Variants in SMG6 observed in about 807,000 individuals in gnomAD.
SMG6 encodes SMG6 nonsense mediated mRNA decay factor.
A neutral mutation model predicts 142.2 loss-of-function variants in SMG6; 66 were observed. The observed-to-expected ratio is 0.46, with a 90% CI of 0.38 to 0.57. SMG6 has a LOEUF of 0.57. Ranked by LOEUF, SMG6 falls within the 20% of genes least tolerant of loss-of-function variation. The pLI is 0.00. For synonymous variants in SMG6, 779 were observed against 702.4 expected (o/e 1.11, Z -1.72); for missense variants, 1,793 against 1,832.0 (o/e 0.98, Z 0.39).
chr17:2,162,321 G>A (rs1312659052), intron 13 of SMG6, among the ~76,000 whole-genome samples: 1 of 151,786 alleles, frequency 6.6e-6, no homozygotes. Context: ...GACCATCCTG[G>A]CTAACATGGT....
At chr17:2,165,523 T>A (rs891611889) in intron 13 of SMG6, among the ~76,000 whole-genome samples, 1 of 152,270 alleles carries the variant, frequency 6.6e-6, no homozygotes, top group Non-Finnish European at 1.5e-5. Context: ...TGGTTGAGCA[T>A]CCCTAATTGG....
intron 13 of SMG6, among the ~76,000 whole-genome samples, chr17:2,108,892 T>TGAGGATTACACCACTGC (rs907242323): frequency 2.6e-5 from 4 of 150,994 alleles, no homozygotes; most frequent in African/African-American, 9.7e-5. Flanking sequence ...TGCAGTGAGT[T>TGAGGATTACACCACTGC]GAGGATTACA....
intron 9 of SMG6, among the ~76,000 whole-genome samples, chr17:2,244,119 T>C (rs1364663015): frequency 1.3e-5 from 2 of 152,208 alleles, no homozygotes; most frequent in Admixed American, 6.5e-5. Context: ...GAGATGTCTA[T>C]GGAAATCCAT....
Position 2,085,946 on chromosome 17 carries a change from G to T in SMG6, c.3358-45C>A. ...GAAGAAAAACAGCATTTTCTGAAAG[G>T]GAAGATGGAGACGAGATGTTGCTTG... is the stretch of plus-strand genomic sequence containing the variant. On this transcript the variant is annotated intron_variant, in intron 13 of 18. Coordinates refer to ENST00000263073, the MANE Select transcript of SMG6 (RefSeq NM_017575.5). The surrounding 1 kb of genome is among the most constrained non-coding windows in gnomAD (Gnocchi z 4.1). The T allele has an allele frequency of 6.3e-7, 1 of 1,589,094 alleles. No individual in the cohort carries two copies. The highest frequency in any genetic ancestry group is 8.6e-7 in the Non-Finnish European group (1 of 1,158,618).
At chr17:2,242,356 C>CAAAAAAAAAAAA (rs57062488) in intron 9 of SMG6, among the ~76,000 whole-genome samples, 1 of 73,510 alleles carries the variant, frequency 1.4e-5, no homozygotes, top group Non-Finnish European at 2.4e-5. Context: ...ACTGAAGATA[C>CAAAAAAAAAAAA]AAAAAAAAAA....
intron 13 of SMG6, among the ~76,000 whole-genome samples, chr17:2,117,241 T>C (rs2069536236): frequency 6.6e-6 from 1 of 151,938 alleles, no homozygotes; most frequent in South Asian, 2.1e-4. Context: ...ACCACAGATA[T>C]ACGTGGTCCT....
intron 8 of SMG6, among the ~76,000 whole-genome samples, chr17:2,260,823 C>T (rs1333993964): frequency 6.6e-6 from 1 of 150,826 alleles, no homozygotes; most frequent in African/African-American, 2.4e-5. Flanking sequence ...TGGCAAAACC[C>T]TGTCTCTACT....
rs60136702 is a variant in SMG6 at position 2,255,403 on chromosome 17, CAAAAAAAAA to C, written c.2662-10693_2662-10685del. Among the ~76,000 whole-genome samples the C allele has an allele frequency of 2.2e-4, 16 of 73,598 alleles. 1 individual carries two copies. Among genetic ancestry groups the C allele is most frequent in the Non-Finnish European group, 2.3e-4 (9 of 38,608 alleles). The allele number at this position is 73,598 out of a possible 152,430, so 48.3% of individuals were successfully genotyped here. ...TGGGCGACAGAGCGAGACTCCGTCTCAAAAAAAAAAAAAAAAAAAAAAAAAAGAATGTGA... is the reference window on the plus strand; with the variant it reads ...TGGGCGACAGAGCGAGACTCCGTCTCAAAAAAAAAAAAAAAAAGAATGTGA... On this transcript the variant is annotated intron_variant, in intron 8 of 18. Transcript: ENST00000263073.
At chr17:2,243,880 C>T (rs765514359) in intron 9 of SMG6, among the ~76,000 whole-genome samples, 2 of 152,128 alleles carry the variant, frequency 1.3e-5, no homozygotes, top group Non-Finnish European at 2.9e-5. Flanking sequence ...GGGGGCACTG[C>T]CACCTACTAC....
chr17:2,298,244 G>C (rs1028290386), intron 2 of SMG6, among the ~76,000 whole-genome samples, 189 bp from the exon 3 acceptor site: 4 of 152,104 alleles, frequency 2.6e-5, no homozygotes, highest in African/African-American at 9.7e-5. Flanking sequence ...GTTGTGTCTA[G>C]GAAAATAGTT....
intron 13 of SMG6, among the ~76,000 whole-genome samples, chr17:2,126,667 G>T (rs984729299): frequency 7.1e-6 from 1 of 141,768 alleles, no homozygotes; most frequent in Non-Finnish European, 1.5e-5. Context: ...AGTGAGCCAA[G>T]ATCAAGCCAC....
At chr17:2,156,734 A>T (rs978515850) in intron 13 of SMG6, among the ~76,000 whole-genome samples, 2 of 152,152 alleles carry the variant, frequency 1.3e-5, no homozygotes, top group Non-Finnish European at 2.9e-5. Context: ...TGCTCACTGT[A>T]GCCTCGACCT....
At position 2,060,432 on chromosome 17, in the gene SMG6, T is replaced by A. The variant is rs2067739905; in HGVS notation, c.*1060A>T. ...GCTGGGCTGTCCACGCCTGGAAGTTTCTCCCAGCACAGGAGCCGAGGGTGG... is the reference window on the plus strand; with the variant it reads ...GCTGGGCTGTCCACGCCTGGAAGTTACTCCCAGCACAGGAGCCGAGGGTGG... On this transcript the variant is annotated 3_prime_UTR_variant, in exon 19 of 19. Transcript: ENST00000263073. 1 of 152,184 alleles carries A rather than the reference T, an allele frequency of 6.6e-6. No homozygotes were observed. 9.4% of individuals were successfully genotyped at this position (152,184 alleles called of 1,614,324 possible).
chr17:2,234,247 T>A (rs545826366), intron 10 of SMG6, among the ~76,000 whole-genome samples: 2 of 152,104 alleles, frequency 1.3e-5, no homozygotes, highest in African/African-American at 2.4e-5. Context: ...CTTTTTTTTT[T>A]ACTTTTAATT....
chr17:2,081,276 G>T (rs2068416101), intron 15 of SMG6, among the ~76,000 whole-genome samples: 1 of 152,186 alleles, frequency 6.6e-6, no homozygotes, highest in South Asian at 2.1e-4. Flanking sequence ...GAAGGCACAG[G>T]CCCGTGAGAG....
In SMG6 at chr17:2,291,870, AAG is replaced by A. The variant is rs1455334401; in HGVS notation, c.2337+680_2337+681del. Among the ~76,000 whole-genome samples the A allele has an allele frequency of 5.3e-3, 767 of 144,612 alleles. 137 individuals carry two copies. Among genetic ancestry groups the A allele is most frequent in the East Asian group, 9.3e-3 (45 of 4,828 alleles). 94.9% of individuals were successfully genotyped at this position (144,612 alleles called of 152,430 possible). Reference sequence around the variant, plus strand: ...CCTCTCTTAAAAAAAAAAAAAAAAAAAGAGAGAGACAATTTTCTCCTTGCTAA... The same window carrying A: ...CCTCTCTTAAAAAAAAAAAAAAAAAAAGAGAGACAATTTTCTCCTTGCTAA... On this transcript the variant is annotated intron_variant, in intron 6 of 18. Coordinates refer to ENST00000263073, the MANE Select transcript of SMG6 (RefSeq NM_017575.5).
At chr17:2,114,268 C>CAAAA (rs1567608453) in intron 13 of SMG6, among the ~76,000 whole-genome samples, 3 of 151,842 alleles carry the variant, frequency 2.0e-5, no homozygotes, top group Admixed American at 2.0e-4. Context: ...GGACTCCATC[C>CAAAA]CAAAACAAAA....
chr17:2,252,733 G>T (rs374335491), intron 8 of SMG6, among the ~76,000 whole-genome samples: 1 of 152,188 alleles, frequency 6.6e-6, no homozygotes, highest in East Asian at 1.9e-4. Flanking sequence ...GAATCCTCAA[G>T]GACGAGAGAG....
chr17:2,202,002 C>A (rs996872094), intron 10 of SMG6, among the ~76,000 whole-genome samples: 34 of 151,282 alleles, frequency 2.2e-4, no homozygotes, highest in Middle Eastern at 6.8e-3. Flanking sequence ...CCAGCTGGGG[C>A]AAGAGAGCGA....
Sources: gnomAD v4.1 joint callset for allele counts (sites outside exome capture counted in the v4.1 genomes callset) on GRCh38, gnomAD v4.1.1 for gene constraint, Gnocchi (gnomAD v3.1) non-coding constraint, MANE v1.5 for transcripts, NCBI Gene and HGNC (gene_info 2026-07-23, HGNC 2026-07-21) for gene names.